Variants in ENPP2 observed in about 807,000 individuals in gnomAD.
ENPP2 encodes autotaxin.
In ENPP2, 51 loss-of-function variants were observed where a neutral mutation model predicts 120.2. The observed-to-expected ratio is 0.42, with a 90% CI of 0.34 to 0.54. The LOEUF (loss-of-function observed/expected upper bound fraction) is 0.54, where lower values mean the gene tolerates loss of function less well. ENPP2 is among the 20% of genes least tolerant of loss of function. ENPP2 has a pLI of 0.04. For synonymous variants in ENPP2, 365 were observed against 366.4 expected (o/e 1.00, Z 0.04); for missense variants, 920 against 1,066.5 (o/e 0.86, Z 1.91).
chr8:119,577,417 A>T (rs951690353), intron 19 of ENPP2, among the ~76,000 whole-genome samples: 1 of 152,192 alleles, frequency 6.6e-6, no homozygotes, highest in Non-Finnish European at 1.5e-5. Context: ...ATGACACAGG[A>T]AACACCATAA....
chr8:119,623,199 C>T (rs947046960), intron 3 of ENPP2, among the ~76,000 whole-genome samples: 2 of 152,150 alleles, frequency 1.3e-5, no homozygotes, highest in Admixed American at 6.5e-5. Flanking sequence ...GGCTCAGTGG[C>T]TCATGTCTGT....
intron 9 of ENPP2, among the ~76,000 whole-genome samples, chr8:119,607,352 C>T (rs989594639): frequency 7.9e-5 from 12 of 152,060 alleles, no homozygotes; most frequent in Admixed American, 5.2e-4. Flanking sequence ...AAAGGACATC[C>T]GGAAGGAGGA....
chr8:119,666,365 T>C (rs1397668999), intron 1 of ENPP2, among the ~76,000 whole-genome samples: 1 of 152,188 alleles, frequency 6.6e-6, no homozygotes, highest in East Asian at 1.9e-4. Flanking sequence ...ACTGTATTTT[T>C]CAAAGATCTT....
chr8:119,633,547 C>T (rs372384536), intron 2 of ENPP2, among the ~76,000 whole-genome samples: 1 of 151,410 alleles, frequency 6.6e-6, no homozygotes, highest in Non-Finnish European at 1.5e-5. Flanking sequence ...GGACAGTGTG[C>T]GTGGCATTCA....
intron 2 of ENPP2, among the ~76,000 whole-genome samples, chr8:119,628,390 A>T (rs1816428711): frequency 1.3e-5 from 2 of 152,220 alleles, no homozygotes; most frequent in African/African-American, 4.8e-5. Flanking sequence ...TATTACTAGA[A>T]ATTTACCATT....
intron 1 of ENPP2, among the ~76,000 whole-genome samples, chr8:119,651,609 G>A (rs1427517069): frequency 6.6e-6 from 1 of 152,134 alleles, no homozygotes; most frequent in Non-Finnish European, 1.5e-5. Context: ...TAAAGGCAGA[G>A]GATCTAGTAA....
At chr8:119,620,982 G>T (rs548625913) in intron 4 of ENPP2, among the ~76,000 whole-genome samples, 1 of 152,108 alleles carries the variant, frequency 6.6e-6, no homozygotes, top group Admixed American at 6.5e-5. Flanking sequence ...CTAACTGAGA[G>T]CATGTCCTCA....
At chr8:119,661,250 T>C (rs1035234850) in intron 1 of ENPP2, among the ~76,000 whole-genome samples, 5 of 152,122 alleles carry the variant, frequency 3.3e-5, no homozygotes, top group African/African-American at 1.2e-4. Flanking sequence ...GGGTTGATAG[T>C]TGCAGCAAAC....
At chr8:119,659,726 G>A (rs531653066) in intron 1 of ENPP2, among the ~76,000 whole-genome samples, 2 of 152,340 alleles carry the variant, frequency 1.3e-5, no homozygotes, top group African/African-American at 4.8e-5. Flanking sequence ...TTCAAAGGGT[G>A]AAGAATATTG....
intron 2 of ENPP2, among the ~76,000 whole-genome samples, chr8:119,637,267 C>A (rs890504992): frequency 6.6e-6 from 1 of 152,112 alleles, no homozygotes; most frequent in African/African-American, 2.4e-5. Context: ...CCTCTGCCTC[C>A]CCAACAGAAG....
At chr8:119,595,338 T>C (rs1266941570) in intron 11 of ENPP2, among the ~76,000 whole-genome samples, 1 of 152,216 alleles carries the variant, frequency 6.6e-6, no homozygotes, top group Non-Finnish European at 1.5e-5. Context: ...TTGTGGAAAT[T>C]ACATACAACT....
chr8:119,633,089 A>G (rs1816783054), intron 2 of ENPP2, among the ~76,000 whole-genome samples: 1 of 152,200 alleles, frequency 6.6e-6, no homozygotes, highest in South Asian at 2.1e-4. Flanking sequence ...TTCTAGTGCC[A>G]TCTGTTCCAT....
At chr8:119,577,096 C>G (rs2130226638) in intron 19 of ENPP2, among the ~76,000 whole-genome samples, 1 of 152,132 alleles carries the variant, frequency 6.6e-6, no homozygotes, top group East Asian at 1.9e-4. Context: ...ACAGCATATG[C>G]CATTAAAACA....
rs1587379951 is a variant in ENPP2 at position 119,581,121 on chromosome 8, C to T, written c.1729-954G>A. On this transcript the variant is annotated intron_variant, in intron 18 of 24. Coordinates refer to ENST00000075322, the MANE Select transcript of ENPP2 (RefSeq NM_001040092.3). ...TCTCTACTAAAACTACAAAAATTATCCAGGCATGGTGGCAGGAGCCTGTAA... is the reference window on the plus strand; with the variant it reads ...TCTCTACTAAAACTACAAAAATTATTCAGGCATGGTGGCAGGAGCCTGTAA... 4.6e-5 allele frequency: 7 copies of T among 152,122 alleles called. 1 individual carries two copies. Among genetic ancestry groups the T allele is most frequent in the African/African-American group, 1.4e-4 (6 of 41,486 alleles). 9.4% of individuals were successfully genotyped at this position (152,122 alleles called of 1,614,324 possible).
chr8:119,645,182 A>C (rs1817406320), intron 1 of ENPP2, among the ~76,000 whole-genome samples: 1 of 152,132 alleles, frequency 6.6e-6, no homozygotes, highest in South Asian at 2.1e-4. Context: ...CCAGTTCTAA[A>C]AACCAGGTCT....
chr8:119,653,599 C>T (rs948322703), intron 1 of ENPP2, among the ~76,000 whole-genome samples: 6 of 152,006 alleles, frequency 3.9e-5, no homozygotes, highest in African/African-American at 9.7e-5. Flanking sequence ...GAGTGAGAGA[C>T]GAGGCAGCAG....
Position 119,616,381 on chromosome 8 carries a change from G to C in ENPP2, c.661C>G (p.Leu221Val), listed in dbSNP as rs758630187. The C allele has an allele frequency of 2.5e-6, 4 of 1,589,922 alleles. No individual in the cohort carries two copies. The highest frequency in any genetic ancestry group is 2.6e-6 in the Non-Finnish European group (3 of 1,162,716). ...FPNLYTLATGLYPESHGIVGN... is the reference protein window; with the variant it reads ...FPNLYTLATGVYPESHGIVGN... ...ACAATTCCATGTGATTCTGGATATA[G>C]CCCCTTTTTGTAAAAGCAAATTTAT... is the stretch of plus-strand genomic sequence containing the variant. The change falls in exon 8 of 25, where the codon CTA (leucine) becomes GTA (valine). Residue 221 changes from leucine to valine, a missense_variant. Coordinates refer to ENST00000075322, the MANE Select transcript of ENPP2 (RefSeq NM_001040092.3).
At chr8:119,614,746 C>T (rs1815345486) in intron 8 of ENPP2, among the ~76,000 whole-genome samples, 1 of 152,124 alleles carries the variant, frequency 6.6e-6, no homozygotes. Context: ...ATATAAAAGA[C>T]CCACTAGTGA....
intron 22 of ENPP2, 77 bp from the exon 23 acceptor site, chr8:119,565,032 G>A (rs889283857): frequency 2.1e-5 from 28 of 1,321,712 alleles, no homozygotes; most frequent in Admixed American, 7.8e-5. Context: ...TCTCTAGGAT[G>A]CATGCTACGA....
Sources: gnomAD v4.1 joint callset for allele counts (sites outside exome capture counted in the v4.1 genomes callset) on GRCh38, gnomAD v4.1.1 for gene constraint, MANE v1.5 for transcripts, NCBI Gene and HGNC (gene_info 2026-07-23, HGNC 2026-07-21) for gene names.